Variants in FOS observed in about 807,000 individuals in gnomAD.
FOS encodes protein c-Fos.
In FOS, 9 loss-of-function variants were observed where a neutral mutation model predicts 27.2. That is an observed-to-expected ratio of 0.33 (90% CI 0.20 to 0.58). The LOEUF (loss-of-function observed/expected upper bound fraction) is 0.58, where lower values mean the gene tolerates loss of function less well. Ranked by LOEUF, FOS falls within the 20% of genes least tolerant of loss-of-function variation. FOS has a pLI of 0.87. For synonymous variants in FOS, 213 were observed against 205.1 expected (o/e 1.04, Z -0.33); for missense variants, 405 against 483.5 (o/e 0.84, Z 1.52).
At position 75,281,997 on chromosome 14, in the gene FOS, A is replaced by G. The variant is rs1897234494; in HGVS notation, c.*573A>G. 1.3e-5 allele frequency: 2 copies of G among 153,558 alleles called. No individual in the cohort carries two copies. The highest frequency in any genetic ancestry group is 4.8e-5 in the African/African-American group (2 of 41,462). The allele number at this position is 153,558 out of a possible 1,614,324, so 9.5% of individuals were successfully genotyped here. A position where few individuals can be genotyped will look rare whatever the true frequency, so the allele number is the denominator to read the frequency against. On this transcript the variant is annotated 3_prime_UTR_variant, in exon 4 of 4. Transcript: ENST00000303562. This position sits in a 1 kb window ranked among gnomAD's most constrained non-coding sequence, Gnocchi z 4.7. ...AATGTTCATTGTAATGTTACTGATC[A>G]TGCATTGTTGAGGTGGTCTGAATGT...
intron 3 of FOS, 40 bp downstream of exon 3, chr14:75,280,707 G>C (rs747585235): frequency 6.2e-7 from 1 of 1,610,946 alleles, no homozygotes; most frequent in Non-Finnish European, 8.5e-7. Context: ...AAACTTAAGG[G>C]GAAAGTTGGA....
Position 75,281,249 on chromosome 14 carries a change from T to G in FOS, c.968T>G (p.Leu323Arg), listed in dbSNP as rs777094777. The change falls in exon 4 of 4, where the codon CTG becomes CGG. Residue 323 changes from leucine (L) to arginine (R), a missense_variant. Coordinates refer to ENST00000303562, the MANE Select transcript of FOS (RefSeq NM_005252.4). The surrounding 1 kb of genome is among the most constrained non-coding windows in gnomAD (Gnocchi z 4.7). ...MGPMATELEP[L>R]CTPVVTCTPS... Reference sequence around the variant, plus strand: ...CCCATGGCCACAGAGCTGGAGCCCCTGTGCACTCCGGTGGTCACCTGTACT... The same window carrying G: ...CCCATGGCCACAGAGCTGGAGCCCCGGTGCACTCCGGTGGTCACCTGTACT... 2 of 1,612,434 alleles carry G rather than the reference T, an allele frequency of 1.2e-6. No individual in the cohort carries two copies. The highest frequency in any genetic ancestry group is 1.7e-6 in the Non-Finnish European group (2 of 1,179,996).
In FOS at chr14:75,281,678, C is replaced by A; in HGVS notation, c.*254C>A. The A allele has an allele frequency of 5.8e-6, 3 of 516,746 alleles. No homozygotes were observed. The highest frequency in any genetic ancestry group is 1.0e-5 in the Non-Finnish European group (3 of 287,912). The allele number at this position is 516,746 out of a possible 1,614,324, so 32.0% of individuals were successfully genotyped here. Reference sequence around the variant, plus strand: ...TTGTTCCCAGTGACACTTCAGAGAGCTGGTAGTTAGTAGCATGTTGAGCCA... The same window carrying A: ...TTGTTCCCAGTGACACTTCAGAGAGATGGTAGTTAGTAGCATGTTGAGCCA... On this transcript the variant is annotated 3_prime_UTR_variant, in exon 4 of 4. Coordinates refer to ENST00000303562, the MANE Select transcript of FOS (RefSeq NM_005252.4). This position sits in a 1 kb window ranked among gnomAD's most constrained non-coding sequence, Gnocchi z 4.7.
At position 75,279,082 on chromosome 14, in the gene FOS, G is replaced by T; in HGVS notation, c.100G>T (p.Ala34Ser). 1 of 1,613,524 alleles carries T rather than the reference G, an allele frequency of 6.2e-7. No homozygotes were observed. Among genetic ancestry groups the T allele is most frequent in the Non-Finnish European group, 8.5e-7 (1 of 1,179,902 alleles). ...TAGCCTCTCTTACTACCACTCACCC[G>T]CAGACTCCTTCTCCAGCATGGGCTC... ...GDSLSYYHSP[A>S]DSFSSMGSPV... The change falls in exon 1 of 4, where the codon GCA becomes TCA. Residue 34 changes from alanine to serine, a missense_variant. Coordinates refer to ENST00000303562, the MANE Select transcript of FOS (RefSeq NM_005252.4). This position sits in a 1 kb window ranked among gnomAD's most constrained non-coding sequence, Gnocchi z 5.4.
In FOS at chr14:75,279,810, GAACTCGCCCC is replaced by G; in HGVS notation, c.142-65_142-56del. The G allele has an allele frequency of 6.6e-7, 1 of 1,523,840 alleles. No individual in the cohort carries two copies. The highest frequency in any genetic ancestry group is 8.8e-7 in the Non-Finnish European group (1 of 1,131,520). 94.4% of individuals were successfully genotyped at this position (1,523,840 alleles called of 1,614,324 possible). ...TCTTCACTGCTGCATGCGGCACTGG[GAACTCGCCCC>G]ACCTGTGTCCGGAACCTGCTCGCTC... On this transcript the variant is annotated intron_variant, in intron 1 of 3. Transcript: ENST00000303562. This position sits in a 1 kb window ranked among gnomAD's most constrained non-coding sequence, Gnocchi z 5.4.
rs1386097831 is a variant in FOS, at chr14:75,281,947, T to C, written c.*523T>C. 1.3e-5 allele frequency: 2 copies of C among 157,274 alleles called. No individual in the cohort carries two copies. Among genetic ancestry groups the C allele is most frequent in the African/African-American group, 4.8e-5 (2 of 41,484 alleles). The allele number at this position is 157,274 out of a possible 1,614,324, so 9.7% of individuals were successfully genotyped here. A position where few individuals can be genotyped will look rare whatever the true frequency, so the allele number is the denominator to read the frequency against. ...AGATAGAAATAAATAGCTATATCCA[T>C]GTACTGTAGTTTTTCTTCAACATCA... is the stretch of plus-strand genomic sequence containing the variant. On this transcript the variant is annotated 3_prime_UTR_variant, in exon 4 of 4. Transcript: ENST00000303562. The surrounding 1 kb of genome is among the most constrained non-coding windows in gnomAD (Gnocchi z 4.7).
intron 2 of FOS, 185 bp from the exon 3 acceptor site, chr14:75,280,375 C>T (rs1326404968): frequency 1.5e-6 from 1 of 682,808 alleles, no homozygotes; most frequent in Non-Finnish European, 2.5e-6. Context: ...CTTCTTTGTT[C>T]TCTTGCTGAG....
In FOS at chr14:75,281,538, CCTT is replaced by C; in HGVS notation, c.*115_*117del. ...AGGGTTCCTGTAGACCTAGGGAGGA[CCTT>C]ATCTGTGCGTGAAACACACCAGGCT... On this transcript the variant is annotated 3_prime_UTR_variant, in exon 4 of 4. Coordinates refer to ENST00000303562, the MANE Select transcript of FOS (RefSeq NM_005252.4). The surrounding 1 kb of genome is among the most constrained non-coding windows in gnomAD (Gnocchi z 4.7). 1 of 1,170,638 alleles carries C rather than the reference CCTT, an allele frequency of 8.5e-7. No individual in the cohort carries two copies. The highest frequency in any genetic ancestry group is 1.2e-6 in the Non-Finnish European group (1 of 846,380). The allele number at this position is 1,170,638 out of a possible 1,614,324, so 72.5% of individuals were successfully genotyped here.
chr14:75,280,342 A>G, intron 2 of FOS: 1 of 709,172 alleles, frequency 1.4e-6, no homozygotes, highest in South Asian at 1.8e-5. Context: ...TAAGTTTCTT[A>G]CCGCATGCTT....
Position 75,281,352 on chromosome 14 carries a change from C to G in FOS, c.1071C>G (p.Ala357=), listed in dbSNP as rs1291193041. 2.5e-6 allele frequency: 4 copies of G among 1,610,710 alleles called. No homozygotes were observed. Among genetic ancestry groups the G allele is most frequent in the Non-Finnish European group, 3.4e-6 (4 of 1,180,020 alleles). The part of the protein sequence containing the change: ...EADSFPSCAA[A]HRKGSSSNEP... ...ACTCCTTCCCCAGCTGTGCAGCTGC[C>G]CACCGCAAGGGCAGCAGCAGCAATG... The change falls in exon 4 of 4, where the codon GCC becomes GCG. Residue 357 remains alanine, a synonymous_variant. Transcript: ENST00000303562. This position sits in a 1 kb window ranked among gnomAD's most constrained non-coding sequence, Gnocchi z 4.7.
intron 2 of FOS, 191 bp downstream of exon 2, chr14:75,280,319 A>G (rs893858740): frequency 9.2e-6 from 7 of 758,108 alleles, no homozygotes; most frequent in Non-Finnish European, 1.3e-5. Flanking sequence ...AAGTACTCTC[A>G]TAGTTTCTTC....
At position 75,280,862 on chromosome 14, in the gene FOS, A is replaced by G. The variant is rs751988706; in HGVS notation, c.581A>G (p.Glu194Gly). Residue 194 changes from glutamate (E) to glycine (G), a missense_variant, in exon 4 of 4, where the codon GAG becomes GGG. Glu to Gly is a moderately conservative substitution (Grantham distance 98). Coordinates refer to ENST00000303562, the MANE Select transcript of FOS (RefSeq NM_005252.4). ...CTGCTGAAGGAGAAGGAAAAACTAG[A>G]GTTCATCCTGGCAGCTCACCGACCT... ...ANLLKEKEKLEFILAAHRPAC... is the reference protein window; with the variant it reads ...ANLLKEKEKLGFILAAHRPAC... 1.2e-6 allele frequency: 2 copies of G among 1,614,124 alleles called. No individual in the cohort carries two copies. The highest frequency in any genetic ancestry group is 2.2e-5 in the South Asian group (2 of 91,084).
chr14:75,278,874 G>A lies in FOS; in HGVS notation c.-109G>A. On this transcript the variant is annotated 5_prime_UTR_variant, in exon 1 of 4. Coordinates refer to ENST00000303562, the MANE Select transcript of FOS (RefSeq NM_005252.4). This position sits in a 1 kb window ranked among gnomAD's most constrained non-coding sequence, Gnocchi z 4.1. ...CTGAGAAGCCAAGACTGAGCCGGCG[G>A]CCGCGGCGCAGCGAACGAGCAGTGA... is the stretch of plus-strand genomic sequence containing the variant. 7.3e-7 allele frequency: 1 copy of A among 1,366,936 alleles called. No individual in the cohort carries two copies. Among genetic ancestry groups the A allele is most frequent in the Non-Finnish European group, 1.0e-6 (1 of 996,224 alleles). The allele number at this position is 1,366,936 out of a possible 1,614,324, so 84.7% of individuals were successfully genotyped here. A position where few individuals can be genotyped will look rare whatever the true frequency, so the allele number is the denominator to read the frequency against.
chr14:75,282,057 T>C lies in FOS; in HGVS notation c.*633T>C, dbSNP rs1290665632. 6.5e-6 allele frequency: 1 copy of C among 152,684 alleles called. No individual in the cohort carries two copies. Among genetic ancestry groups the C allele is most frequent in the African/African-American group, 2.4e-5 (1 of 41,466 alleles). The allele number at this position is 152,684 out of a possible 1,614,324, so 9.5% of individuals were successfully genotyped here. A position where few individuals can be genotyped will look rare whatever the true frequency, so the allele number is the denominator to read the frequency against. ...AACAGTTTTCCATGAAAACGTTTTA[T>C]TGTGTTTTTAATTTATTTATTAAGA... is the stretch of plus-strand genomic sequence containing the variant. On this transcript the variant is annotated 3_prime_UTR_variant, in exon 4 of 4. Coordinates refer to ENST00000303562, the MANE Select transcript of FOS (RefSeq NM_005252.4).
In FOS at chr14:75,281,166, T is replaced by A; in HGVS notation, c.885T>A (p.Ser295=). The change falls in exon 4 of 4, where the codon TCT becomes TCA. Residue 295 remains serine, a synonymous_variant. Transcript: ENST00000303562. This position sits in a 1 kb window ranked among gnomAD's most constrained non-coding sequence, Gnocchi z 4.7. ...TARSVPDMDL[S]GSFYAADWEP... ...GCTCCGTGCCAGACATGGACCTATC[T>A]GGGTCCTTCTATGCAGCAGACTGGG... 1 of 1,611,598 alleles carries A rather than the reference T, an allele frequency of 6.2e-7. No homozygotes were observed. Among genetic ancestry groups the A allele is most frequent in the Non-Finnish European group, 8.5e-7 (1 of 1,180,030 alleles).
chr14:75,280,365 C>T (rs946079367), intron 2 of FOS, 195 bp from the exon 3 acceptor site: 1 of 678,364 alleles, frequency 1.5e-6, no homozygotes, highest in African/African-American at 1.8e-5. Context: ...AGACTGGGCT[C>T]TTCTTTGTTC....
chr14:75,279,843 C>T lies in FOS; in HGVS notation c.142-34C>T, dbSNP rs1897205755. ...CCCACCTGTGTCCGGAACCTGCTCG[C>T]TCACGTCGGCTTTCCCCTTCTGTTT... On this transcript the variant is annotated intron_variant, in intron 1 of 3. Transcript: ENST00000303562. This position sits in a 1 kb window ranked among gnomAD's most constrained non-coding sequence, Gnocchi z 5.4. 1.9e-6 allele frequency: 3 copies of T among 1,555,774 alleles called. No individual in the cohort carries two copies. Among genetic ancestry groups the T allele is most frequent in the Non-Finnish European group, 2.6e-6 (3 of 1,146,736 alleles).
In FOS at chr14:75,281,310, C is replaced by A; in HGVS notation, c.1029C>A (p.Phe343Leu). 6.2e-7 allele frequency: 1 copy of A among 1,609,806 alleles called. No homozygotes were observed. The highest frequency in any genetic ancestry group is 2.2e-5 in the East Asian group (1 of 44,884). ...CTGCTTACACGTCTTCCTTCGTCTT[C>A]ACCTACCCCGAGGCTGACTCCTTCC... ...SCTAYTSSFV[F>L]TYPEADSFPS... The change falls in exon 4 of 4, where the codon TTC (phenylalanine) becomes TTA (leucine). Residue 343 changes from phenylalanine to leucine, a missense_variant. Phe to Leu is a conservative substitution (Grantham distance 22, BLOSUM62 0). Transcript: ENST00000303562. The surrounding 1 kb of genome is among the most constrained non-coding windows in gnomAD (Gnocchi z 4.7).
At position 75,281,425 on chromosome 14, in the gene FOS, G is replaced by T. The variant is rs751768250; in HGVS notation, c.*1G>T. 6 of 1,609,406 alleles carry T rather than the reference G, an allele frequency of 3.7e-6. No individual in the cohort carries two copies. In the Admixed American group the frequency reaches 6.7e-5, roughly 18 times the overall value. On this transcript the variant is annotated 3_prime_UTR_variant, in exon 4 of 4. Coordinates refer to ENST00000303562, the MANE Select transcript of FOS (RefSeq NM_005252.4). This position sits in a 1 kb window ranked among gnomAD's most constrained non-coding sequence, Gnocchi z 4.7. ...CTCACCCACGCTGCTGGCCCTGTGA[G>T]GGGGCAGGGAAGGGGAGGCAGCCGG...
Sources: allele counts gnomAD v4.1 joint callset, GRCh38; gene constraint gnomAD v4.1.1; non-coding constraint Gnocchi (gnomAD v3.1); transcripts MANE v1.5; gene names NCBI Gene and HGNC (gene_info 2026-07-23, HGNC 2026-07-21).